Variants in HDAC9 observed in about 807,000 individuals in gnomAD.
HDAC9 encodes histone deacetylase 9.
Under a neutral mutation model 139.4 loss-of-function variants are expected in HDAC9, and 41 were observed. The ratio of observed to expected loss-of-function variants is 0.29; its 90% CI spans 0.23 to 0.38. The LOEUF (loss-of-function observed/expected upper bound fraction) is 0.38, where lower values mean the gene tolerates loss of function less well. Among genes scored for constraint, HDAC9 ranks in the 10% least tolerant of loss-of-function variants. The pLI, the probability that HDAC9 is intolerant of heterozygous loss-of-function variation, is 1.00. For missense variants in HDAC9, 1,147 were observed against 1,297.0 expected, an observed-to-expected ratio of 0.88 and a Z score of 1.78; for synonymous variants, 517 against 476.2, an observed-to-expected ratio of 1.09 and a Z score of -1.12.
chr7:18,135,747 A>G (rs1163533183), intron 1 of HDAC9, among the ~76,000 whole-genome samples: 4 of 148,342 alleles, frequency 2.7e-5, no homozygotes, highest in African/African-American at 5.1e-5. Context: ...ATTGTGAATA[A>G]TGCCACAATA....
chr7:18,335,289 A>C (rs543124973), intron 1 of HDAC9, among the ~76,000 whole-genome samples: 1 of 151,710 alleles, frequency 6.6e-6, no homozygotes, highest in South Asian at 2.1e-4. Flanking sequence ...ACAATTTAGC[A>C]ATAGCTGCAG....
At chr7:18,392,947 A>G (rs560332388) in intron 1 of HDAC9, among the ~76,000 whole-genome samples, 1 of 150,628 alleles carries the variant, frequency 6.6e-6, no homozygotes, top group East Asian at 1.9e-4. Context: ...AAAAAAAGGA[A>G]ATACTAATAA....
At chr7:18,562,944 A>T (rs1380857317) in intron 2 of HDAC9, among the ~76,000 whole-genome samples, 2 of 152,018 alleles carry the variant, frequency 1.3e-5, no homozygotes, top group Non-Finnish European at 2.9e-5. Flanking sequence ...TGTAATTTCG[A>T]TGTACAAGGT....
At chr7:18,089,566 C>T (rs1330760930) in intron 1 of HDAC9, among the ~76,000 whole-genome samples, 2 of 151,916 alleles carry the variant, frequency 1.3e-5, no homozygotes, top group Non-Finnish European at 2.9e-5. Context: ...CAGATATAAA[C>T]CTATTTAATT....
At chr7:18,911,354 A>G (rs1802724271) in intron 22 of HDAC9, among the ~76,000 whole-genome samples, 1 of 151,548 alleles carries the variant, frequency 6.6e-6, no homozygotes, top group Non-Finnish European at 1.5e-5. Flanking sequence ...ATGTAGTTGT[A>G]TAGTCGGTGT....
chr7:18,328,370 G>C (rs1261848278), intron 1 of HDAC9, among the ~76,000 whole-genome samples: 6 of 151,806 alleles, frequency 4.0e-5, no homozygotes, highest in Admixed American at 3.9e-4. Flanking sequence ...TGGGAGTAGT[G>C]CTCTTATGCA....
chr7:18,846,495 A>G (rs1041274516), intron 21 of HDAC9, among the ~76,000 whole-genome samples: 6 of 152,242 alleles, frequency 3.9e-5, no homozygotes, highest in Non-Finnish European at 7.3e-5. Context: ...ATTATAGACT[A>G]TATCACTTCA....
chr7:18,725,080 G>A (rs1785436566), intron 12 of HDAC9, among the ~76,000 whole-genome samples: 1 of 152,136 alleles, frequency 6.6e-6, no homozygotes, highest in South Asian at 2.1e-4. Flanking sequence ...AAGCATGAAT[G>A]TTCATGGTCA....
chr7:18,237,580 G>A (rs941420417), intron 2 of HDAC9, among the ~76,000 whole-genome samples: 2 of 152,276 alleles, frequency 1.3e-5, no homozygotes, highest in East Asian at 1.9e-4. Flanking sequence ...AGATGATAAA[G>A]GCACACTAGG....
intron 1 of HDAC9, among the ~76,000 whole-genome samples, chr7:18,117,467 C>T (rs1784073797): frequency 6.8e-6 from 1 of 146,660 alleles, no homozygotes; most frequent in South Asian, 2.1e-4. Context: ...GCCTGGGCAA[C>T]AGAGCGAGAC....
intron 2 of HDAC9, among the ~76,000 whole-genome samples, chr7:18,538,085 T>G (rs1052858576): frequency 6.6e-6 from 1 of 152,210 alleles, no homozygotes; most frequent in African/African-American, 2.4e-5. Context: ...CTACAGTAGT[T>G]TTTTTCTGTA....
intron 1 of HDAC9, among the ~76,000 whole-genome samples, chr7:18,141,820 T>G (rs1320176220): frequency 6.6e-6 from 1 of 152,206 alleles, no homozygotes. Context: ...ATTTATTCAT[T>G]TCATTTATTT....
At chr7:18,576,607 A>G (rs549014082) in intron 2 of HDAC9, among the ~76,000 whole-genome samples, 145 of 150,780 alleles carry the variant, frequency 9.6e-4, no homozygotes, top group African/African-American at 3.4e-3. Context: ...GGTTGCAGTG[A>G]GCCGAGATCG....
chr7:18,973,973 G>T (rs965160128), intron 24 of HDAC9, among the ~76,000 whole-genome samples: 1 of 152,128 alleles, frequency 6.6e-6, no homozygotes, highest in Non-Finnish European at 1.5e-5. Context: ...TCATCCTCAG[G>T]TTGAAGTCCA....
chr7:18,854,925 C>T (rs970510187), intron 21 of HDAC9, among the ~76,000 whole-genome samples: 1 of 152,150 alleles, frequency 6.6e-6, no homozygotes. Flanking sequence ...TGGTGAGTGC[C>T]TGCGTAAATT....
intron 2 of HDAC9, among the ~76,000 whole-genome samples, chr7:18,175,560 G>C (rs1788821247): frequency 6.6e-6 from 1 of 150,998 alleles, no homozygotes; most frequent in African/African-American, 2.4e-5. Flanking sequence ...GGGAGCTGCA[G>C]ACTGGAGCTG....
intron 1 of HDAC9, among the ~76,000 whole-genome samples, chr7:18,400,695 AG>A (rs1281512793): frequency 6.6e-6 from 1 of 152,156 alleles, no homozygotes; most frequent in Middle Eastern, 3.2e-3. Flanking sequence ...CAAATAGAGG[AG>A]GATGAAGATG....
chr7:18,512,729 A>G (rs1013000179), intron 2 of HDAC9, among the ~76,000 whole-genome samples: 2 of 152,200 alleles, frequency 1.3e-5, no homozygotes, highest in Admixed American at 6.5e-5. Context: ...TCTTCTATAC[A>G]TTATATGTGT....
At chr7:18,366,843 TTTAG>T (rs1213967816) in intron 1 of HDAC9, among the ~76,000 whole-genome samples, 2 of 152,078 alleles carry the variant, frequency 1.3e-5, no homozygotes, top group East Asian at 3.9e-4. Context: ...AAGTGATGCG[TTTAG>T]TTAGATTGTC....
Sources: allele counts gnomAD v4.1 joint callset (sites outside exome capture counted in the v4.1 genomes callset), GRCh38; gene constraint gnomAD v4.1.1; transcripts MANE v1.5; gene names NCBI Gene and HGNC (gene_info 2026-07-23, HGNC 2026-07-21).